Variants in SNX31 observed in about 807,000 individuals in gnomAD.
SNX31 encodes the protein sorting nexin 31.
A neutral mutation model predicts 65.4 loss-of-function variants in SNX31; 58 were observed. The observed-to-expected ratio is 0.89, with a 90% CI of 0.72 to 1.10. The LOEUF (loss-of-function observed/expected upper bound fraction) is 1.10, where lower values mean the gene tolerates loss of function less well. Among genes scored for constraint, SNX31 ranks in the 50% least tolerant of loss-of-function variants. The pLI, the probability that SNX31 is intolerant of heterozygous loss-of-function variation, is 0.00. For synonymous variants in SNX31, 181 were observed against 190.1 expected, an observed-to-expected ratio of 0.95 and a Z score of 0.39; for missense variants, 523 against 529.7, an observed-to-expected ratio of 0.99 and a Z score of 0.12.
intron 12 of SNX31, among the ~76,000 whole-genome samples, chr8:100,580,173 A>C (rs938319257): frequency 7.9e-5 from 12 of 152,084 alleles, no homozygotes; most frequent in East Asian, 3.9e-4. Flanking sequence ...AAAAAAAAAA[A>C]AAAACAGTCT....
intron 4 of SNX31, among the ~76,000 whole-genome samples, chr8:100,627,159 C>T (rs1295967292): frequency 6.6e-6 from 1 of 152,130 alleles, no homozygotes; most frequent in Non-Finnish European, 1.5e-5. Flanking sequence ...CAAGACCAGC[C>T]TGACCAACAT....
At position 100,614,508 on chromosome 8, in the gene SNX31, T is replaced by C. The variant is rs921484721; in HGVS notation, c.433-1423A>G. On this transcript the variant is annotated intron_variant, in intron 5 of 13. Transcript: ENST00000311812. The surrounding 1 kb of genome is among the most constrained non-coding windows in gnomAD (Gnocchi z 5.1). ...TATTTTTCCTCTTAGCAAATGTTAATGATGATTCAAAACACGAACGCCATC... is the reference window on the plus strand; with the variant it reads ...TATTTTTCCTCTTAGCAAATGTTAACGATGATTCAAAACACGAACGCCATC... 6.6e-6 allele frequency among the ~76,000 whole-genome samples: 1 copy of C among 152,194 alleles called. No homozygotes were observed. The highest frequency in any genetic ancestry group is 6.5e-5 in the Admixed American group (1 of 15,274).
rs548264423 is a variant in SNX31, at chr8:100,624,004, G to A, written c.322-6274C>T. On this transcript the variant is annotated intron_variant, in intron 4 of 13. Transcript: ENST00000311812. ...GATTCAGTTTTAACTCCAGTTGGGGGGGAGGTGGGGGGATGCGGGGAGGAA... is the reference window on the plus strand; with the variant it reads ...GATTCAGTTTTAACTCCAGTTGGGGAGGAGGTGGGGGGATGCGGGGAGGAA... 3.7e-3 allele frequency among the ~76,000 whole-genome samples: 569 copies of A among 152,034 alleles called. 5 individuals carry two copies. The highest frequency in any genetic ancestry group is 5.3e-3 in the Non-Finnish European group (361 of 67,968).
intron 5 of SNX31, among the ~76,000 whole-genome samples, chr8:100,615,474 A>G (rs74410164): frequency 0.022 from 3,328 of 152,326 alleles, 108 homozygotes; most frequent in African/African-American, 0.075. Flanking sequence ...AAATTCACAC[A>G]GCCCTTACAC....
chr8:100,658,437 G>A (rs1483456729), intron 1 of SNX31, among the ~76,000 whole-genome samples: 2 of 152,226 alleles, frequency 1.3e-5, no homozygotes, highest in African/African-American at 4.8e-5. Context: ...GAGCGACAGT[G>A]AGTGGATGCT....
chr8:100,658,683 T>C (rs532806152), intron 1 of SNX31, among the ~76,000 whole-genome samples: 1 of 152,320 alleles, frequency 6.6e-6, no homozygotes, highest in East Asian at 1.9e-4. Context: ...CAGCCAGGAT[T>C]TGAAACTCGA....
chr8:100,655,131 A>C (rs938734608), intron 1 of SNX31, among the ~76,000 whole-genome samples: 17 of 152,172 alleles, frequency 1.1e-4, no homozygotes, highest in African/African-American at 4.1e-4. Flanking sequence ...ACCTTGGGGA[A>C]GGGGCACGGT....
intron 2 of SNX31, among the ~76,000 whole-genome samples, chr8:100,636,263 T>A (rs536488894): frequency 6.6e-6 from 1 of 152,350 alleles, no homozygotes; most frequent in East Asian, 1.9e-4. Context: ...AGAGCTGAGA[T>A]GTATTTTTAT....
At chr8:100,649,999 ATATATGCAACC>A (rs1819913232), upstream of SNX31, among the ~76,000 whole-genome samples, 1 of 152,194 alleles carries the variant, frequency 6.6e-6, no homozygotes, top group South Asian at 2.1e-4. Flanking sequence ...ACATGCAGCA[ATATATGCAACC>A]TTGCTTTCGT....
At chr8:100,649,168 TGA>T in intron 2 of SNX31, 104 bp downstream of exon 2, 12 of 1,117,120 alleles carry the variant, frequency 1.1e-5, no homozygotes, top group Non-Finnish European at 1.6e-5. Flanking sequence ...CCCGAGGCCG[TGA>T]AAGGCCCAGT....
rs1246427348 is a variant in SNX31 at position 100,609,882 on chromosome 8, T to C, written c.612-1319A>G. On this transcript the variant is annotated intron_variant, in intron 7 of 13. Coordinates refer to ENST00000311812, the MANE Select transcript of SNX31 (RefSeq NM_152628.4). The surrounding 1 kb of genome is among the most constrained non-coding windows in gnomAD (Gnocchi z 4.9). Reference sequence around the variant, plus strand: ...ACCCTGTGGCCTGGAGGAAGCCATATCATCATCATTGGAGAGATGCACCCA... The same window carrying C: ...ACCCTGTGGCCTGGAGGAAGCCATACCATCATCATTGGAGAGATGCACCCA... 6.6e-6 allele frequency among the ~76,000 whole-genome samples: 1 copy of C among 152,102 alleles called. No individual in the cohort carries two copies. The highest frequency in any genetic ancestry group is 1.9e-4 in the East Asian group (1 of 5,170).
intron 2 of SNX31, among the ~76,000 whole-genome samples, chr8:100,644,343 C>T (rs1207874407): frequency 9.9e-5 from 15 of 152,192 alleles, no homozygotes; most frequent in Admixed American, 9.8e-4. Flanking sequence ...CACAGGATGG[C>T]CTCATCTGTA....
At position 100,630,335 on chromosome 8, in the gene SNX31, C is replaced by T. The variant is rs1338982554; in HGVS notation, c.313G>A (p.Ala105Thr). The change falls in exon 4 of 14, where the codon GCG becomes ACG. Residue 105 changes from alanine to threonine, a missense_variant. By Grantham distance (58) the Ala-to-Thr change is moderately conservative (BLOSUM62 0). Transcript: ENST00000311812. The surrounding 1 kb of genome is among the most constrained non-coding windows in gnomAD (Gnocchi z 5.3). ...AAGAAGAGCAAGCTTACCAGCTGCGCCAGTTTTAAAAACTCAACGAAGACA... is the reference window on the plus strand; with the variant it reads ...AAGAAGAGCAAGCTTACCAGCTGCGTCAGTTTTAAAAACTCAACGAAGACA... ...SDVFVEFLKL[A>T]QLNTFDIATK... is the part of the protein sequence containing the mutation. 2 of 1,613,310 alleles carry T rather than the reference C, an allele frequency of 1.2e-6. No homozygotes were observed. The highest frequency in any genetic ancestry group is 1.7e-6 in the Non-Finnish European group (2 of 1,179,842).
chr8:100,628,858 A>AC (rs892945919), intron 4 of SNX31, among the ~76,000 whole-genome samples: 16 of 150,308 alleles, frequency 1.1e-4, no homozygotes, highest in African/African-American at 3.7e-4. Flanking sequence ...GTAGTCATGT[A>AC]CCCCTTAATG....
intron 1 of SNX31, chr8:100,658,002 C>T (rs1011906125): frequency 4.2e-5 from 15 of 354,304 alleles, no homozygotes; most frequent in Admixed American, 7.7e-5. Context: ...GTTTAGACCT[C>T]GGCAGGTCAG....
chr8:100,630,360 A>T lies in SNX31; in HGVS notation c.288T>A (p.Asp96Glu), dbSNP rs748484805. ...CCAGTTTTAAAAACTCAACGAAGAC[A>T]TCACTTCTCAACACGTTTGGGTCCA... is the stretch of plus-strand genomic sequence containing the variant. ...VTMDPNVLRS[D>E]VFVEFLKLAQ... The change falls in exon 4 of 14, where the codon GAT (aspartate) becomes GAA (glutamate). Residue 96 changes from aspartate to glutamate, a missense_variant. Physicochemically the swap from Asp to Glu is conservative, Grantham distance 45. Transcript: ENST00000311812. This position sits in a 1 kb window ranked among gnomAD's most constrained non-coding sequence, Gnocchi z 5.3. The T allele has an allele frequency of 6.2e-7, 1 of 1,613,502 alleles. No individual in the cohort carries two copies. The highest frequency in any genetic ancestry group is 1.7e-5 in the Admixed American group (1 of 59,710).
intron 4 of SNX31, chr8:100,619,284 A>G (rs1284883996): frequency 1.3e-5 from 2 of 152,386 alleles, no homozygotes; most frequent in Admixed American, 1.3e-4. Context: ...GCAGTAATTT[A>G]TGATTTTGCT....
intron 8 of SNX31, among the ~76,000 whole-genome samples, chr8:100,602,828 A>G (rs1366639831): frequency 6.6e-6 from 1 of 152,178 alleles, no homozygotes; most frequent in Non-Finnish European, 1.5e-5. Context: ...TGCAATTTAA[A>G]ACTTATGAAT....
intron 3 of SNX31, among the ~76,000 whole-genome samples, chr8:100,631,576 T>C (rs1235929983): frequency 6.6e-6 from 1 of 152,100 alleles, no homozygotes; most frequent in Non-Finnish European, 1.5e-5. Context: ...TTTTTGGGAT[T>C]ACAGGAGTGC....
Sources: gnomAD v4.1 joint callset for allele counts (sites outside exome capture counted in the v4.1 genomes callset) on GRCh38, gnomAD v4.1.1 for gene constraint, Gnocchi (gnomAD v3.1) non-coding constraint, MANE v1.5 for transcripts, NCBI Gene and HGNC (gene_info 2026-07-23, HGNC 2026-07-21) for gene names.